The following AIG1 variants were observed in gnomAD, a reference collection of about 807,000 sequenced individuals.
AIG1 encodes androgen induced 1, also known as androgen-induced gene 1 protein.
AIG1 carries 23 observed loss-of-function variants against 31.4 expected under a neutral mutation model. The ratio of observed to expected loss-of-function variants is 0.73; its 90% confidence interval spans 0.53 to 1.04. The LOEUF (loss-of-function observed/expected upper bound fraction) is 1.04, where lower values mean the gene tolerates loss of function less well. AIG1 is among the 50% of genes least tolerant of loss of function. The pLI is 0.00. For synonymous variants in AIG1, 100 were observed against 110.5 expected, an observed-to-expected ratio of 0.90 and a Z score of 0.60; for missense variants, 274 against 295.0, an observed-to-expected ratio of 0.93 and a Z score of 0.52.
chr6:143,122,399 A>T (rs1391306022), intron 1 of AIG1, among the ~76,000 whole-genome samples: 2 of 152,252 alleles, frequency 1.3e-5, no homozygotes, highest in African/African-American at 4.8e-5. Flanking sequence ...TGTTTGTAAG[A>T]ATAGAAAGGT....
rs1017912621 is a variant in AIG1, at chr6:143,292,749, G to A, written c.515+8524G>A. The stretch of plus-strand genomic sequence containing the variant: ...AATTTCCTTATCCGAAACAAAAAAA[G>A]CATGATGATAGTGATCAGGCAGGAT... On this transcript the variant is annotated intron_variant, in intron 4 of 5. Transcript: ENST00000357847. The surrounding 1 kb of genome is among the most constrained non-coding windows in gnomAD (Gnocchi z 4.9). 1.3e-5 allele frequency among the ~76,000 whole-genome samples: 2 copies of A among 152,208 alleles called. No homozygotes were observed. Among genetic ancestry groups the A allele is most frequent in the Non-Finnish European group, 2.9e-5 (2 of 68,030 alleles).
At position 143,284,467 on chromosome 6, in the gene AIG1, T is replaced by G. The variant is rs1004700584; in HGVS notation, c.515+242T>G. The stretch of plus-strand genomic sequence containing the variant: ...AAGCAGTGGTTCTTCCAAGGCTACA[T>G]TTTTCAACTCTTTTTCAAACTAAAT... On this transcript the variant is annotated intron_variant, in intron 4 of 5. Transcript: ENST00000357847. This position sits in a 1 kb window ranked among gnomAD's most constrained non-coding sequence, Gnocchi z 4.4. Among the ~76,000 whole-genome samples the G allele has an allele frequency of 2.6e-5, 4 of 152,212 alleles. No homozygotes were observed. The highest frequency in any genetic ancestry group is 6.5e-5 in the Admixed American group (1 of 15,278).
At chr6:143,225,637 C>T (rs1792888615) in intron 3 of AIG1, among the ~76,000 whole-genome samples, 1 of 152,022 alleles carries the variant, frequency 6.6e-6, no homozygotes, top group African/African-American at 2.4e-5. Context: ...CTTTATTTGC[C>T]TAAAAGAGGC....
intron 4 of AIG1, among the ~76,000 whole-genome samples, chr6:143,286,096 G>A (rs1458956035): frequency 6.7e-6 from 1 of 148,226 alleles, no homozygotes; most frequent in Non-Finnish European, 1.5e-5. Context: ...CTTTACTCTG[G>A]GAACTCTAGG....
chr6:143,224,756 C>T (rs1342915911), intron 3 of AIG1, among the ~76,000 whole-genome samples: 1 of 152,100 alleles, frequency 6.6e-6, no homozygotes, highest in Non-Finnish European at 1.5e-5. Context: ...TCAGTATTTT[C>T]TGAATCTGCC....
chr6:143,177,451 GA>G (rs1788278184), intron 3 of AIG1, among the ~76,000 whole-genome samples: 1 of 152,196 alleles, frequency 6.6e-6, no homozygotes, highest in Admixed American at 6.5e-5. Flanking sequence ...CTTTCATAGG[GA>G]AAAATGTTTT....
At chr6:143,266,707 G>C (rs1012988514) in intron 3 of AIG1, among the ~76,000 whole-genome samples, 1 of 152,178 alleles carries the variant, frequency 6.6e-6, no homozygotes, top group African/African-American at 2.4e-5. Context: ...GCTTTGGGAG[G>C]CCAAGGCAAG....
intron 1 of AIG1, among the ~76,000 whole-genome samples, chr6:143,092,003 T>C (rs911326733): frequency 6.6e-6 from 1 of 151,122 alleles, no homozygotes; most frequent in East Asian, 1.9e-4. Flanking sequence ...ATATTTTACC[T>C]AAAAAAAAAT....
chr6:143,327,399 C>T lies in AIG1; in HGVS notation c.516-5883C>T. ...GTCCATGGAGTGGGCTTCAAGAAGT[C>T]TGCCCCTTGGGCACTCAAAGAGATC... On this transcript the variant is annotated intron_variant, in intron 4 of 5. Coordinates refer to ENST00000357847, the MANE Select transcript of AIG1 (RefSeq NM_016108.4). This position sits in a 1 kb window ranked among gnomAD's most constrained non-coding sequence, Gnocchi z 5.3. 1 of 325,600 alleles carries T rather than the reference C, an allele frequency of 3.1e-6. No individual in the cohort carries two copies. The highest frequency in any genetic ancestry group is 3.1e-5 in the South Asian group (1 of 32,088). The allele number at this position is 325,600 out of a possible 1,614,324, so 20.2% of individuals were successfully genotyped here.
chr6:143,271,495 G>C (rs1313619945), intron 3 of AIG1, among the ~76,000 whole-genome samples: 1 of 152,150 alleles, frequency 6.6e-6, no homozygotes, highest in Non-Finnish European at 1.5e-5. Context: ...ATTGCTGCTA[G>C]TAGACGTTTG....
chr6:143,150,214 C>T (rs1458874091), intron 2 of AIG1, among the ~76,000 whole-genome samples: 4 of 152,192 alleles, frequency 2.6e-5, no homozygotes, highest in Non-Finnish European at 2.9e-5. Context: ...CTCTAGCATC[C>T]TGAGCCCTAT....
At chr6:143,100,596 A>G (rs1271415033) in intron 1 of AIG1, among the ~76,000 whole-genome samples, 1 of 152,230 alleles carries the variant, frequency 6.6e-6, no homozygotes, top group African/African-American at 2.4e-5. Flanking sequence ...TATTTTAAAA[A>G]GCAAGCAATA....
chr6:143,118,962 C>T (rs1403017158), intron 1 of AIG1, among the ~76,000 whole-genome samples: 1 of 151,922 alleles, frequency 6.6e-6, no homozygotes. Flanking sequence ...CAACCTCGAC[C>T]TCCTGGGCTC....
At position 143,151,491 on chromosome 6, in the gene AIG1, TAAAC is replaced by T. The variant is rs530207208; in HGVS notation, c.298-13587_298-13584del. Among the ~76,000 whole-genome samples, 159 of 152,186 alleles carry T rather than the reference TAAAC, an allele frequency of 1.0e-3. 2 individuals carry two copies. The highest frequency in any genetic ancestry group is 2.9e-3 in the South Asian group (14 of 4,828). ...AGTTTTTAATGTATATAATCTAAAA[TAAAC>T]AAAACACAGAAAGCCATAGCCTTCG... On this transcript the variant is annotated intron_variant, in intron 2 of 5. Transcript: ENST00000357847.
Position 143,334,208 on chromosome 6 carries a change from A to T in AIG1, c.679+763A>T. Reference sequence around the variant, plus strand: ...CAGACATGTAGTGATTGAGTCCTGCATGAAAATACATCCAAAGGCAAGATG... The same window carrying T: ...CAGACATGTAGTGATTGAGTCCTGCTTGAAAATACATCCAAAGGCAAGATG... On this transcript the variant is annotated intron_variant, in intron 5 of 5. Transcript: ENST00000357847. The surrounding 1 kb of genome is among the most constrained non-coding windows in gnomAD (Gnocchi z 5.1). The T allele has an allele frequency of 9.7e-7, 1 of 1,028,730 alleles. No individual in the cohort carries two copies. The allele number at this position is 1,028,730 out of a possible 1,614,324, so 63.7% of individuals were successfully genotyped here. A position where few individuals can be genotyped will look rare whatever the true frequency, so the allele number is the denominator to read the frequency against.
At chr6:143,247,505 C>T (rs1378478611) in intron 3 of AIG1, among the ~76,000 whole-genome samples, 4 of 152,198 alleles carry the variant, frequency 2.6e-5, no homozygotes, top group African/African-American at 9.7e-5. Flanking sequence ...AAGACCCCGT[C>T]ATAAATCACT....
In AIG1 at chr6:143,292,626, G is replaced by T. The variant is rs1045690199; in HGVS notation, c.515+8401G>T. On this transcript the variant is annotated intron_variant, in intron 4 of 5. Transcript: ENST00000357847. This position sits in a 1 kb window ranked among gnomAD's most constrained non-coding sequence, Gnocchi z 4.9. ...CTTCTAACCTGTAGAATTCTCCGAT[G>T]AATATGTGTTGTTTTAAGCCACAAG... Among the ~76,000 whole-genome samples the T allele has an allele frequency of 1.1e-4, 17 of 152,300 alleles. No individual in the cohort carries two copies. Among genetic ancestry groups the T allele is most frequent in the African/African-American group, 4.1e-4 (17 of 41,550 alleles).
intron 3 of AIG1, among the ~76,000 whole-genome samples, chr6:143,238,275 A>G (rs1793966958): frequency 1.3e-5 from 2 of 152,106 alleles, no homozygotes; most frequent in Non-Finnish European, 2.9e-5. Context: ...CACCACCCTT[A>G]GTGTTGGCCT....
intron 3 of AIG1, among the ~76,000 whole-genome samples, chr6:143,272,682 G>A (rs1291778872): frequency 1.3e-5 from 2 of 152,240 alleles, no homozygotes; most frequent in African/African-American, 2.4e-5. Flanking sequence ...TCAGAAAGAA[G>A]ATGAACAAAG....
Sources: gnomAD v4.1 joint callset for allele counts (sites outside exome capture counted in the v4.1 genomes callset) on GRCh38, gnomAD v4.1.1 for gene constraint, Gnocchi (gnomAD v3.1) non-coding constraint, MANE v1.5 for transcripts, NCBI Gene and HGNC (gene_info 2026-07-23, HGNC 2026-07-21) for gene names.